ADGRL3: variants seen among roughly 807,000 people sequenced by gnomAD.
ADGRL3 encodes the protein adhesion G protein-coupled receptor L3, also known as calcium-independent alpha-latrotoxin receptor 3.
In ADGRL3, 62 loss-of-function variants were observed where a neutral mutation model predicts 153.5. That is an observed-to-expected ratio of 0.40 (90% CI 0.33 to 0.50). The LOEUF (loss-of-function observed/expected upper bound fraction) is 0.50. ADGRL3 is among the 20% of genes least tolerant of loss of function. ADGRL3 has a pLI of 0.47. For synonymous variants in ADGRL3, 710 were observed against 672.5 expected, an observed-to-expected ratio of 1.06 and a Z score of -0.86; for missense variants, 1,641 against 1,859.4, an observed-to-expected ratio of 0.88 and a Z score of 2.16.
At chr4:61,958,286 C>A (rs966853908) in intron 17 of ADGRL3, among the ~76,000 whole-genome samples, 10 of 152,076 alleles carry the variant, frequency 6.6e-5, no homozygotes, top group Admixed American at 5.9e-4. Flanking sequence ...TGGTATAAGA[C>A]CTCTTACATA....
At chr4:61,368,443 A>G (rs1560528395) in intron 1 of ADGRL3, among the ~76,000 whole-genome samples, 6 of 152,170 alleles carry the variant, frequency 3.9e-5, no homozygotes, top group South Asian at 2.1e-4. Context: ...GCTTTTCTAC[A>G]TATGGCTGGC....
intron 6 of ADGRL3, among the ~76,000 whole-genome samples, chr4:61,684,847 G>T (rs912199038): frequency 5.3e-5 from 8 of 151,680 alleles, no homozygotes; most frequent in African/African-American, 1.9e-4. Context: ...CTTCTGAAAG[G>T]TATTTAAATT....
At chr4:61,217,030 C>T (rs1291555678) in intron 1 of ADGRL3, among the ~76,000 whole-genome samples, 15 of 152,124 alleles carry the variant, frequency 9.9e-5, no homozygotes, top group Non-Finnish European at 7.3e-5. Flanking sequence ...AAAAGACTAG[C>T]TTCATTAAAT....
chr4:61,602,764 T>C (rs1213319270), intron 5 of ADGRL3, among the ~76,000 whole-genome samples: 2 of 152,188 alleles, frequency 1.3e-5, no homozygotes, highest in Non-Finnish European at 2.9e-5. Context: ...AGTATTATTA[T>C]GCAGAACAAT....
chr4:61,291,232 C>A (rs1578142544), intron 1 of ADGRL3, among the ~76,000 whole-genome samples: 1 of 70,934 alleles, frequency 1.4e-5, no homozygotes, highest in Non-Finnish European at 3.4e-5. Context: ...ACACACACAC[C>A]CCTCTGTGTC....
chr4:61,744,684 G>A lies in ADGRL3; in HGVS notation c.1399+11130G>A, dbSNP rs548412332. Among the ~76,000 whole-genome samples, 69 of 152,284 alleles carry A rather than the reference G, an allele frequency of 4.5e-4. 1 individual carries two copies. The South Asian group carries it at 0.012, about 26-fold the overall frequency. The stretch of plus-strand genomic sequence containing the variant: ...CTGTTAGAAGGAAAACTAACAAACA[G>A]AAAGGACATCCACACCAAAAAACCA... On this transcript the variant is annotated intron_variant, in intron 8 of 26. Transcript: ENST00000683033.
chr4:61,456,397 C>CTATATCTATATATATATAGA (rs2097744595), intron 2 of ADGRL3, among the ~76,000 whole-genome samples: 1 of 90,132 alleles, frequency 1.1e-5, no homozygotes, highest in African/African-American at 4.2e-5. Flanking sequence ...ATAGATATAT[C>CTATATCTATATATATATAGA]TATATCTATA....
At chr4:61,629,027 C>T (rs2092997469) in intron 5 of ADGRL3, among the ~76,000 whole-genome samples, 1 of 152,222 alleles carries the variant, frequency 6.6e-6, no homozygotes, top group Non-Finnish European at 1.5e-5. Flanking sequence ...ACTAGGGTAA[C>T]AAATCCATGC....
chr4:61,543,526 A>C (rs1278933296), intron 4 of ADGRL3, among the ~76,000 whole-genome samples: 1 of 152,192 alleles, frequency 6.6e-6, no homozygotes. Flanking sequence ...CAGAACTAGA[A>C]GATAATAAAA....
At chr4:61,867,785 T>A (rs1291631079) in intron 9 of ADGRL3, among the ~76,000 whole-genome samples, 2 of 151,830 alleles carry the variant, frequency 1.3e-5, no homozygotes, top group Non-Finnish European at 2.9e-5. Flanking sequence ...AGAGGCCACT[T>A]AAGCCATCCT....
At chr4:61,261,387 A>C (rs563727024) in intron 1 of ADGRL3, among the ~76,000 whole-genome samples, 43 of 151,990 alleles carry the variant, frequency 2.8e-4, no homozygotes, top group African/African-American at 9.9e-4. Flanking sequence ...TACAAGGCCT[A>C]CACATTTTTT....
intron 6 of ADGRL3, among the ~76,000 whole-genome samples, chr4:61,721,256 G>A (rs2096239469): frequency 6.6e-6 from 1 of 152,116 alleles, no homozygotes. Flanking sequence ...GCAAACTGAG[G>A]AGCAAGGAAG....
intron 2 of ADGRL3, among the ~76,000 whole-genome samples, chr4:61,402,254 G>T (rs2096938174): frequency 1.3e-5 from 2 of 152,044 alleles, no homozygotes; most frequent in Non-Finnish European, 2.9e-5. Flanking sequence ...GTACAGGAAG[G>T]GGTTGTTTGT....
chr4:61,721,239 G>A (rs1031182330), intron 6 of ADGRL3, among the ~76,000 whole-genome samples: 7 of 152,094 alleles, frequency 4.6e-5, no homozygotes, highest in African/African-American at 1.7e-4. Context: ...CCCACAATAG[G>A]CTGCCTGCAA....
intron 9 of ADGRL3, among the ~76,000 whole-genome samples, chr4:61,871,075 G>C (rs9997620): frequency 0.044 from 6,750 of 151,984 alleles, 217 homozygotes; most frequent in Non-Finnish European, 0.068. Context: ...TCAGGAGATC[G>C]AGACCATCCT....
At chr4:61,596,820 T>G (rs2098990894) in intron 5 of ADGRL3, among the ~76,000 whole-genome samples, 1 of 152,168 alleles carries the variant, frequency 6.6e-6, no homozygotes. Context: ...ATTGCCTTAC[T>G]GCACTCCAGC....
At chr4:61,236,974 A>G (rs894215775) in intron 1 of ADGRL3, among the ~76,000 whole-genome samples, 6 of 152,206 alleles carry the variant, frequency 3.9e-5, no homozygotes, top group African/African-American at 1.4e-4. Flanking sequence ...TTTGCTCTGC[A>G]TATGAATTCA....
chr4:61,924,354 A>G (rs1363501268), intron 13 of ADGRL3, among the ~76,000 whole-genome samples: 2 of 152,098 alleles, frequency 1.3e-5, no homozygotes, highest in Non-Finnish European at 2.9e-5. Context: ...CCTCTTGTCC[A>G]CACTTTATAC....
chr4:61,395,447 C>T (rs985185176), intron 2 of ADGRL3, among the ~76,000 whole-genome samples: 1 of 151,808 alleles, frequency 6.6e-6, no homozygotes, highest in African/African-American at 2.4e-5. Flanking sequence ...CCAAACTAAC[C>T]AGGGTGTTTT....
Sources: allele counts gnomAD v4.1 joint callset (sites outside exome capture counted in the v4.1 genomes callset), GRCh38; gene constraint gnomAD v4.1.1; transcripts MANE v1.5; gene names NCBI Gene and HGNC (gene_info 2026-07-23, HGNC 2026-07-21).